The following GRAMD1C variants were observed in gnomAD, a reference collection of about 807,000 sequenced individuals.
GRAMD1C encodes the protein GRAM domain containing 1C.
GRAMD1C carries 89 observed loss-of-function variants against 97.8 expected under a neutral mutation model. The ratio of observed to expected loss-of-function variants is 0.91; its 90% CI spans 0.77 to 1.09. GRAMD1C has a LOEUF of 1.09. Among genes scored for constraint, GRAMD1C ranks in the 50% least tolerant of loss-of-function variants. GRAMD1C has a pLI of 0.00. For synonymous variants in GRAMD1C, 256 were observed against 267.0 expected (o/e 0.96, Z 0.40); for missense variants, 740 against 766.4 (o/e 0.97, Z 0.41).
At position 113,875,535 on chromosome 3, in the gene GRAMD1C, T is replaced by G; in HGVS notation, c.311T>G (p.Leu104Arg). The change falls in exon 4 of 18, where the codon CTT becomes CGT. Residue 104 changes from leucine to arginine, a missense_variant. Transcript: ENST00000358160. Reference protein sequence around the residue: ...RDILLQGRLYLSENWLCFYSN... With the variant: ...RDILLQGRLYRSENWLCFYSN... ...ATTTTGCTTCAGGGACGACTATACC[T>G]TTCAGAAAACTGGCTATGTTTCTAT... 1 of 1,557,288 alleles carries G rather than the reference T, an allele frequency of 6.4e-7. No individual in the cohort carries two copies. Among genetic ancestry groups the G allele is most frequent in the Non-Finnish European group, 8.9e-7 (1 of 1,127,372 alleles).
At chr3:113,849,971 G>C (rs1577123080) in intron 2 of GRAMD1C, among the ~76,000 whole-genome samples, 1 of 150,128 alleles carries the variant, frequency 6.7e-6, no homozygotes, top group East Asian at 2.0e-4. Flanking sequence ...CGGGCGGGGG[G>C]CTGACCCCCC....
rs895521964 is a variant in GRAMD1C at position 113,936,352 on chromosome 3, A to G, written c.1543A>G (p.Thr515Ala). 3 of 1,612,674 alleles carry G rather than the reference A, an allele frequency of 1.9e-6. No homozygotes were observed. Among genetic ancestry groups the G allele is most frequent in the Non-Finnish European group, 1.7e-6 (2 of 1,178,646 alleles). The stretch of plus-strand genomic sequence containing the variant: ...TACTGGCCTACGAAGGAGAAGGCGA[A>G]CCTTCAACCGAACAGCAGAAACAGT... ...KLTGLRRRRR[T>A]FNRTAETVPK... The change falls in exon 14 of 18, where the codon ACC (threonine) becomes GCC (alanine). Residue 515 changes from threonine to alanine, a missense_variant. Thr to Ala is a moderately conservative substitution (Grantham distance 58, BLOSUM62 0). Coordinates refer to ENST00000358160, the MANE Select transcript of GRAMD1C (RefSeq NM_017577.5).
rs568700445 is a variant in GRAMD1C, at chr3:113,859,375, C to G, written c.175-10132C>G. Among the ~76,000 whole-genome samples, 14 of 152,096 alleles carry G rather than the reference C, an allele frequency of 9.2e-5. No homozygotes were observed. The East Asian group carries it at 2.3e-3, about 25-fold the overall frequency. ...ATCTAGAAGTGTGTTGTTTAGTTTC[C>G]AAGTGTTTGGAGATTTTGAGCTATT... On this transcript the variant is annotated intron_variant, in intron 2 of 17. Coordinates refer to ENST00000358160, the MANE Select transcript of GRAMD1C (RefSeq NM_017577.5).
chr3:113,840,660 A>C (rs557612047), intron 1 of GRAMD1C, among the ~76,000 whole-genome samples: 1 of 151,796 alleles, frequency 6.6e-6, no homozygotes, highest in South Asian at 2.1e-4. Context: ...GGAGGCTGAG[A>C]TAGGAAGATC....
intron 1 of GRAMD1C, among the ~76,000 whole-genome samples, chr3:113,832,802 T>C (rs776943862): frequency 3.9e-5 from 6 of 152,188 alleles, no homozygotes; most frequent in Non-Finnish European, 4.4e-5. Context: ...GCAATTATCT[T>C]CCAGTCTTTG....
At chr3:113,923,692 G>C (rs1221645159) in intron 10 of GRAMD1C, among the ~76,000 whole-genome samples, 1 of 152,096 alleles carries the variant, frequency 6.6e-6, no homozygotes, top group African/African-American at 2.4e-5. Context: ...GAGGATTTTT[G>C]CATCAATACT....
chr3:113,933,623 T>C lies in GRAMD1C; in HGVS notation c.1322T>C (p.Ile441Thr), dbSNP rs376128249. 5.0e-5 allele frequency: 80 copies of C among 1,607,032 alleles called. No individual in the cohort carries two copies. The Middle Eastern group carries it at 1.5e-3, about 30-fold the overall frequency. Residue 441 changes from isoleucine (I) to threonine (T), a missense_variant, in exon 12 of 18, where the codon ATC becomes ACC. By Grantham distance (89) the Ile-to-Thr change is moderately conservative. Transcript: ENST00000358160. ...TATACCGTGAACAGATACTGTATCA[T>C]CCGATCTTCAAAACAGAAATGCAGG... Reference protein sequence around the residue: ...YFYTVNRYCIIRSSKQKCRLR... With the variant: ...YFYTVNRYCITRSSKQKCRLR...
At chr3:113,849,806 G>A (rs1170213192) in intron 2 of GRAMD1C, among the ~76,000 whole-genome samples, 2 of 152,164 alleles carry the variant, frequency 1.3e-5, no homozygotes, top group African/African-American at 2.4e-5. Context: ...TGAGCTGTTG[G>A]GTACACCTCC....
rs546906211 is a variant in GRAMD1C at position 113,855,731 on chromosome 3, C to T, written c.174+11082C>T. Reference sequence around the variant, plus strand: ...AAAAAAAAAAAAGAAAGAAAAAAATCATAATAATTAAGTGATTTTAATTGC... The same window carrying T: ...AAAAAAAAAAAAGAAAGAAAAAAATTATAATAATTAAGTGATTTTAATTGC... On this transcript the variant is annotated intron_variant, in intron 2 of 17. Transcript: ENST00000358160. Among the ~76,000 whole-genome samples, 81 of 151,156 alleles carry T rather than the reference C, an allele frequency of 5.4e-4. 3 individuals are homozygous for T. The South Asian group carries it at 0.016, about 29-fold the overall frequency.
At chr3:113,902,571 T>G (rs1278405690) in intron 7 of GRAMD1C, among the ~76,000 whole-genome samples, 2 of 152,232 alleles carry the variant, frequency 1.3e-5, no homozygotes, top group African/African-American at 4.8e-5. Context: ...CCTTGCCAAC[T>G]TGAAAAGTTT....
chr3:113,873,691 G>A (rs1934922989), intron 3 of GRAMD1C, among the ~76,000 whole-genome samples: 1 of 152,036 alleles, frequency 6.6e-6, no homozygotes, highest in Admixed American at 6.5e-5. Flanking sequence ...GCTAATTTTT[G>A]TATTTTTAGT....
chr3:113,944,398 G>C (rs1013884884), intron 17 of GRAMD1C, among the ~76,000 whole-genome samples: 1 of 152,162 alleles, frequency 6.6e-6, no homozygotes, highest in African/African-American at 2.4e-5. Flanking sequence ...CAAATGTTCA[G>C]ATAGCAGCAA....
intron 1 of GRAMD1C, among the ~76,000 whole-genome samples, chr3:113,841,359 C>T (rs1451687863): frequency 2.2e-5 from 3 of 138,202 alleles, no homozygotes; most frequent in African/African-American, 8.0e-5. Flanking sequence ...AATCTCAGCT[C>T]ACCGCAACCT....
chr3:113,915,908 T>C (rs933834827), intron 10 of GRAMD1C, 70 bp downstream of exon 10: 2 of 1,177,864 alleles, frequency 1.7e-6, no homozygotes, highest in Non-Finnish European at 1.3e-6. Context: ...ATTGAGCATA[T>C]ATAAACTGAT....
chr3:113,869,415 GA>G, intron 2 of GRAMD1C, 91 bp from the exon 3 acceptor site: 1 of 728,020 alleles, frequency 1.4e-6, no homozygotes, highest in Non-Finnish European at 2.4e-6. Context: ...ATATTGCATA[GA>G]AAGCATATGA....
At chr3:113,905,461 C>A (rs183481015) in intron 8 of GRAMD1C, among the ~76,000 whole-genome samples, 1 of 152,306 alleles carries the variant, frequency 6.6e-6, no homozygotes, top group Admixed American at 6.5e-5. Context: ...GGGGGCAGAG[C>A]TGAATTCCTT....
chr3:113,867,234 C>T (rs1365653496), intron 2 of GRAMD1C, among the ~76,000 whole-genome samples: 1 of 152,136 alleles, frequency 6.6e-6, no homozygotes, highest in Non-Finnish European at 1.5e-5. Flanking sequence ...TTAATTTCTT[C>T]TGGTGAATTT....
At position 113,869,564 on chromosome 3, in the gene GRAMD1C, C is replaced by T; in HGVS notation, c.232C>T (p.Leu78=). 6.5e-7 allele frequency: 1 copy of T among 1,537,794 alleles called. No homozygotes were observed. The change falls in exon 3 of 18, where the codon CTA becomes TTA. Residue 78 remains leucine (L), a synonymous_variant. Transcript: ENST00000358160. ...NEEYRRQFTH[L]PDTERLIADY... is the part of the protein sequence containing the mutation. ...GGAATACAGAAGACAGTTCACACATCTACCTGATACAGAGAGGCTGATAGC... is the reference window on the plus strand; with the variant it reads ...GGAATACAGAAGACAGTTCACACATTTACCTGATACAGAGAGGCTGATAGC...
intron 5 of GRAMD1C, among the ~76,000 whole-genome samples, chr3:113,881,710 G>T (rs112991070): frequency 0.022 from 3,277 of 152,204 alleles, 62 homozygotes; most frequent in Non-Finnish European, 0.033. Flanking sequence ...ACACAGGGTT[G>T]TAAGGTTATT....
Sources: allele counts gnomAD v4.1 joint callset (sites outside exome capture counted in the v4.1 genomes callset), GRCh38; gene constraint gnomAD v4.1.1; transcripts MANE v1.5; gene names NCBI Gene and HGNC (gene_info 2026-07-23, HGNC 2026-07-21).